SOD2: variants seen among roughly 807,000 people sequenced by gnomAD.
The protein encoded by SOD2 is superoxide dismutase 2, also known as superoxide dismutase [Mn], mitochondrial.
SOD2 carries 11 observed loss-of-function variants against 27.0 expected under a neutral mutation model. The observed-to-expected ratio is 0.41, with a 90% confidence interval of 0.26 to 0.67. The LOEUF is 0.67. Among genes scored for constraint, SOD2 ranks in the 30% least tolerant of loss-of-function variants. The pLI is 0.34. For missense variants in SOD2, 250 were observed against 274.5 expected, an observed-to-expected ratio of 0.91 and a Z score of 0.63; for synonymous variants, 105 against 103.0, an observed-to-expected ratio of 1.02 and a Z score of -0.12.
rs139439190 is a variant in SOD2 at position 159,713,119 on chromosome 6, C to T, written c.-116+14010G>A. ...TAGTGGCTCTGTAAGGTAAACCCCT[C>T]GTGTGTACACAGTGCCCTGTGGTGC... On this transcript the variant is annotated intron_variant, in intron 1 of 2. Coordinates refer to the SOD2 transcript ENST00000401980. 418 of 947,184 alleles carry T rather than the reference C, an allele frequency of 4.4e-4. No homozygotes were observed. The African/African-American group carries it at 5.4e-3, about 12-fold the overall frequency. The allele number at this position is 947,184 out of a possible 1,614,324, so 58.7% of individuals were successfully genotyped here.
chr6:159,755,867 G>T, intron 1 of SOD2: 2 of 494,476 alleles, frequency 4.0e-6, no homozygotes, highest in Non-Finnish European at 6.0e-6. Context: ...TTTTGTGTAG[G>T]GTCAAGTTAT....
At chr6:159,689,012 G>T (rs1278548420) in intron 2 of SOD2, among the ~76,000 whole-genome samples, 2 of 152,168 alleles carry the variant, frequency 1.3e-5, no homozygotes, top group Non-Finnish European at 2.9e-5. Context: ...CCTCAGTTTT[G>T]GGGGGTGGGG....
chr6:159,701,897 A>C (rs187755879), intron 1 of SOD2, among the ~76,000 whole-genome samples: 74 of 152,218 alleles, frequency 4.9e-4, no homozygotes, highest in Non-Finnish European at 9.0e-4. Context: ...CCAGAGGATC[A>C]CCCACCCCGT....
At chr6:159,717,281 A>G (rs747786432) in intron 1 of SOD2, among the ~76,000 whole-genome samples, 6 of 152,144 alleles carry the variant, frequency 3.9e-5, no homozygotes, top group Non-Finnish European at 5.9e-5. Context: ...TTTTTTTACT[A>G]TAATTATTTT....
At chr6:159,747,996 A>G (rs544840865), upstream of SOD2, among the ~76,000 whole-genome samples, 1 of 152,334 alleles carries the variant, frequency 6.6e-6, no homozygotes, top group East Asian at 1.9e-4. Flanking sequence ...CGGGGTAATT[A>G]GCATATTCAT....
At chr6:159,699,997 C>T (rs796378723) in intron 1 of SOD2, among the ~76,000 whole-genome samples, 5 of 152,338 alleles carry the variant, frequency 3.3e-5, no homozygotes, top group African/African-American at 1.2e-4. Context: ...GCATCACCCT[C>T]CTCTCGTGCC....
exon 1 of SOD2, chr6:159,762,238 G>GA: frequency 7.0e-7 from 1 of 1,432,114 alleles, no homozygotes; most frequent in Non-Finnish European, 9.3e-7. Context: ...GGCGTATGTG[G>GA]AGGAAGCCGG....
chr6:159,733,057 G>T (rs140729247), intron 1 of SOD2, among the ~76,000 whole-genome samples: 232 of 152,230 alleles, frequency 1.5e-3, no homozygotes, highest in Non-Finnish European at 1.7e-3. Flanking sequence ...TAAATATGGT[G>T]ATGGTTTCTG....
chr6:159,724,990 G>A (rs1246104234), intron 1 of SOD2, among the ~76,000 whole-genome samples: 1 of 151,386 alleles, frequency 6.6e-6, no homozygotes, highest in African/African-American at 2.4e-5. Context: ...GGGAAGGAAG[G>A]AAGAAAACAA....
chr6:159,719,742 T>G (rs1777994193), intron 1 of SOD2, among the ~76,000 whole-genome samples: 1 of 151,222 alleles, frequency 6.6e-6, no homozygotes, highest in African/African-American at 2.4e-5. Flanking sequence ...TTTTTTTTTT[T>G]TGAGAGAGTC....
At chr6:159,746,347 C>T (rs914381476), upstream of SOD2, among the ~76,000 whole-genome samples, 1 of 152,144 alleles carries the variant, frequency 6.6e-6, no homozygotes, top group Non-Finnish European at 1.5e-5. Context: ...TTCTTACCCT[C>T]TTGAGTGAAA....
intron 1 of SOD2, among the ~76,000 whole-genome samples, chr6:159,712,001 A>C (rs546236921): frequency 2.8e-4 from 21 of 75,400 alleles, no homozygotes; most frequent in African/African-American, 5.9e-4. Flanking sequence ...TCAGACCTCC[A>C]TAACCACCTC....
At position 159,670,110 on chromosome 6, in the gene SOD2, G is replaced by A. The variant is rs2114742961; in HGVS notation, c.*12383C>T. 1 of 152,236 alleles carries A rather than the reference G, an allele frequency of 6.6e-6. No homozygotes were observed. The highest frequency in any genetic ancestry group is 2.4e-5 in the African/African-American group (1 of 41,502). The allele number at this position is 152,236 out of a possible 1,614,324, so 9.4% of individuals were successfully genotyped here. On this transcript the variant is annotated 3_prime_UTR_variant, in exon 5 of 5. Coordinates refer to ENST00000538183, the MANE Select transcript of SOD2 (RefSeq NM_000636.4). ...GTAGACTCCAACTCATGACCTCAAGGGATCCTCCCAACTCAGCCTCTCAAG... is the reference window on the plus strand; with the variant it reads ...GTAGACTCCAACTCATGACCTCAAGAGATCCTCCCAACTCAGCCTCTCAAG...
intron 1 of SOD2, among the ~76,000 whole-genome samples, chr6:159,738,723 A>G (rs1310541822): frequency 6.6e-6 from 1 of 152,162 alleles, no homozygotes; most frequent in Non-Finnish European, 1.5e-5. Flanking sequence ...TGGTGTTGCC[A>G]CTAATTTTTA....
intron 1 of SOD2, among the ~76,000 whole-genome samples, chr6:159,732,830 G>A (rs2114879018): frequency 6.6e-6 from 1 of 151,544 alleles, no homozygotes; most frequent in Admixed American, 6.6e-5. Flanking sequence ...GGGGGAGGGG[G>A]AGTGTCTCTG....
chr6:159,692,526 C>A, intron 2 of SOD2, 135 bp downstream of exon 2: 1 of 1,483,054 alleles, frequency 6.7e-7, no homozygotes, highest in East Asian at 2.5e-5. Context: ...GAGAGACTAT[C>A]GTGCCTGGAA....
At chr6:159,727,271 C>G in exon 1 of SOD2, 9 of 1,283,214 alleles carry the variant, frequency 7.0e-6, no homozygotes, top group Non-Finnish European at 9.1e-6. Flanking sequence ...TTCACCTTTC[C>G]TCTCCTGGCG....
intron 1 of SOD2, among the ~76,000 whole-genome samples, chr6:159,742,676 A>G (rs1225590972): frequency 6.6e-6 from 1 of 152,194 alleles, no homozygotes; most frequent in East Asian, 1.9e-4. Context: ...AAAAACCAAT[A>G]TATATTGTTT....
intron 1 of SOD2, among the ~76,000 whole-genome samples, chr6:159,733,803 C>A (rs1228617624): frequency 6.6e-6 from 1 of 151,928 alleles, no homozygotes; most frequent in African/African-American, 2.4e-5. Flanking sequence ...GTAATCCCAG[C>A]TACTTGGGAG....
Sources: allele counts gnomAD v4.1 joint callset (sites outside exome capture counted in the v4.1 genomes callset), GRCh38; gene constraint gnomAD v4.1.1; transcripts MANE v1.5; gene names NCBI Gene and HGNC (gene_info 2026-07-23, HGNC 2026-07-21).